The following RBM39 variants were observed in gnomAD, a reference collection of about 807,000 sequenced individuals.
RBM39 encodes the protein RNA binding motif protein 39.
In RBM39, 12 loss-of-function variants were observed where a neutral mutation model predicts 79.6. That is an observed-to-expected ratio of 0.15 (90% confidence interval 0.10 to 0.24). The LOEUF (loss-of-function observed/expected upper bound fraction) is 0.24. Ranked by LOEUF, RBM39 falls within the 10% of genes least tolerant of loss-of-function variation. The pLI, the probability that RBM39 is intolerant of heterozygous loss-of-function variation, is 1.00. For synonymous variants in RBM39, 185 were observed against 208.4 expected (o/e 0.89, Z 0.97); for missense variants, 243 against 653.4 (o/e 0.37, Z 6.85).
At chr20:35,740,483 C>G (rs1383599241) in intron 2 of RBM39, 1 of 1,197,516 alleles carries the variant, frequency 8.4e-7, no homozygotes, top group Admixed American at 2.3e-5. Flanking sequence ...AGTCATTTTA[C>G]CTAGGGGACC....
intron 6 of RBM39, among the ~76,000 whole-genome samples, chr20:35,726,554 A>C (rs147760503): frequency 2.0e-5 from 3 of 152,380 alleles, no homozygotes; most frequent in East Asian, 1.9e-4. Flanking sequence ...GTAATGGATG[A>C]TTCTTTACAA....
rs761037891 is a variant in RBM39, at chr20:35,724,735, C to T, written c.535-13G>A. On this transcript the variant is annotated splice_polypyrimidine_tract_variant and intron_variant, in intron 7 of 16. Coordinates refer to ENST00000253363, the MANE Select transcript of RBM39 (RefSeq NM_184234.3). ...TCACATCTCGAACCTAGAAAGAAAA[C>T]ACAGTTGTTTGTGCAAACATCCATT... The T allele has an allele frequency of 2.7e-5, 43 of 1,612,306 alleles. No homozygotes were observed. Among genetic ancestry groups the T allele is most frequent in the Non-Finnish European group, 3.5e-5 (41 of 1,178,742 alleles).
At chr20:35,728,713 G>A (rs1393097397) in intron 6 of RBM39, among the ~76,000 whole-genome samples, 1 of 152,028 alleles carries the variant, frequency 6.6e-6, no homozygotes, top group Non-Finnish European at 1.5e-5. Flanking sequence ...GGAGGCAGAG[G>A]TTGCAGTGAG....
intron 13 of RBM39, chr20:35,707,717 C>A: frequency 4.4e-6 from 1 of 228,244 alleles, no homozygotes. Flanking sequence ...AAAATAAATC[C>A]TATTAACAAT....
At chr20:35,737,519 C>T (rs2040065181) in intron 3 of RBM39, among the ~76,000 whole-genome samples, 2 of 150,818 alleles carry the variant, frequency 1.3e-5, no homozygotes, top group South Asian at 2.1e-4. Context: ...GAGATCGTGT[C>T]ATGGCGCTCC....
At chr20:35,705,989 G>C (rs1365206947) in intron 14 of RBM39, among the ~76,000 whole-genome samples, 1 of 151,794 alleles carries the variant, frequency 6.6e-6, no homozygotes, top group Non-Finnish European at 1.5e-5. Flanking sequence ...ATCACTTGAG[G>C]TCAGGAGTTC....
At chr20:35,715,249 C>G (rs892349081) in intron 10 of RBM39, among the ~76,000 whole-genome samples, 4 of 152,186 alleles carry the variant, frequency 2.6e-5, no homozygotes, top group Non-Finnish European at 4.4e-5. Context: ...ACCATCTCGG[C>G]TCATTGCAAC....
chr20:35,725,515 A>C (rs1425432107), intron 6 of RBM39, among the ~76,000 whole-genome samples: 1 of 152,196 alleles, frequency 6.6e-6, no homozygotes, highest in Non-Finnish European at 1.5e-5. Context: ...TCCTGACCTC[A>C]GATGATCCGC....
chr20:35,715,034 C>T (rs1555892060), intron 10 of RBM39, among the ~76,000 whole-genome samples: 1 of 152,112 alleles, frequency 6.6e-6, no homozygotes, highest in Non-Finnish European at 1.5e-5. Flanking sequence ...AGCCTAATGA[C>T]CAGTAAGTTA....
At chr20:35,704,963 A>G in intron 15 of RBM39, 1 of 590,950 alleles carries the variant, frequency 1.7e-6, no homozygotes, top group Admixed American at 3.4e-5. Context: ...ATTTGTATGC[A>G]GCCTAAGAAT....
chr20:35,724,746 G>C lies in RBM39; in HGVS notation c.535-24C>G, dbSNP rs535561888. 5.0e-6 allele frequency: 8 copies of C among 1,609,820 alleles called. No homozygotes were observed. The South Asian group carries it at 6.6e-5, about 13-fold the overall frequency. ...ACCTAGAAAGAAAACACAGTTGTTT[G>C]TGCAAACATCCATTGTAACACATGT... On this transcript the variant is annotated intron_variant, in intron 7 of 16. Transcript: ENST00000253363.
intron 3 of RBM39, among the ~76,000 whole-genome samples, chr20:35,737,710 A>G (rs7268253): frequency 0.2 from 28,026 of 143,022 alleles, 2,979 homozygotes; most frequent in African/African-American, 0.32. Flanking sequence ...TTAGCCAGGC[A>G]TGGTGGCAGG....
chr20:35,719,949 AT>A, intron 9 of RBM39: 1 of 260,622 alleles, frequency 3.8e-6, no homozygotes, highest in Non-Finnish European at 8.2e-6. Flanking sequence ...CACCCACCTA[AT>A]TTTTCTATTT....
intron 9 of RBM39, among the ~76,000 whole-genome samples, chr20:35,719,257 C>T (rs1436227537): frequency 6.6e-6 from 1 of 151,994 alleles, no homozygotes; most frequent in Admixed American, 6.6e-5. Flanking sequence ...GTCTCGAACT[C>T]CTCACCTCAA....
At chr20:35,719,844 G>A (rs938217672) in intron 9 of RBM39, among the ~76,000 whole-genome samples, 18 of 151,918 alleles carry the variant, frequency 1.2e-4, no homozygotes, top group South Asian at 2.1e-4. Flanking sequence ...TTATCCAGGC[G>A]TGATCTCGGC....
intron 3 of RBM39, among the ~76,000 whole-genome samples, 169 bp downstream of exon 3, chr20:35,738,797 CCA>C (rs1569082975): frequency 6.6e-6 from 1 of 152,146 alleles, no homozygotes; most frequent in Non-Finnish European, 1.5e-5. Flanking sequence ...GCAAAAAAAT[CCA>C]CAGTTCCTCC....
At chr20:35,738,786 A>G (rs568368382) in intron 3 of RBM39, among the ~76,000 whole-genome samples, 182 bp downstream of exon 3, 44 of 152,374 alleles carry the variant, frequency 2.9e-4, no homozygotes, top group Admixed American at 4.6e-4. Context: ...CTGAAATCTA[A>G]GCAAAAAAAT....
Position 35,721,851 on chromosome 20 carries a change from C to T in RBM39, c.714G>A (p.Met238Ile). 3 of 1,613,934 alleles carry T rather than the reference C, an allele frequency of 1.9e-6. No homozygotes were observed. Among genetic ancestry groups the T allele is most frequent in the Middle Eastern group, 1.7e-4 (1 of 6,058 alleles). ...CACTTCCCTTTTGTAAATTGTTTGC[C>T]ATTGCTGCAGCTCTGTTTTTTTCTG... Reference protein sequence around the residue: ...SQAEKNRAAAMANNLQKGSAG... With the variant: ...SQAEKNRAAAIANNLQKGSAG... The change falls in exon 9 of 17, where the codon ATG becomes ATA. Residue 238 changes from methionine to isoleucine, a missense_variant. Transcript: ENST00000253363.
At chr20:35,738,870 A>G in intron 3 of RBM39, 98 bp downstream of exon 3, 2 of 1,059,956 alleles carry the variant, frequency 1.9e-6, no homozygotes, top group Non-Finnish European at 2.8e-6. Context: ...AAAGCTTCAG[A>G]AGAGAATTTT....
Sources: gnomAD v4.1 joint callset for allele counts (sites outside exome capture counted in the v4.1 genomes callset) on GRCh38, gnomAD v4.1.1 for gene constraint, MANE v1.5 for transcripts, NCBI Gene and HGNC (gene_info 2026-07-23, HGNC 2026-07-21) for gene names.